PARD6G: variants seen among roughly 807,000 people sequenced by gnomAD.
PARD6G encodes par-6 family cell polarity regulator gamma, also known as partitioning defective 6 homolog gamma.
A neutral mutation model predicts 10.7 loss-of-function variants in PARD6G; 7 were observed. That is an observed-to-expected ratio of 0.66 (90% confidence interval 0.37 to 1.23). The LOEUF (loss-of-function observed/expected upper bound fraction) is 1.23. PARD6G is among the 50% of genes most tolerant of loss of function. PARD6G has a pLI of 0.02. For synonymous variants in PARD6G, 287 were observed against 269.4 expected (o/e 1.07, Z -0.64); for missense variants, 548 against 571.8 (o/e 0.96, Z 0.42).
Position 80,160,349 on chromosome 18 carries a change from G to A in PARD6G, c.553C>T (p.His185Tyr), listed in dbSNP as rs2052690340. 1 of 1,611,486 alleles carries A rather than the reference G, an allele frequency of 6.2e-7. No individual in the cohort carries two copies. The highest frequency in any genetic ancestry group is 8.5e-7 in the Non-Finnish European group (1 of 1,179,714). The change falls in exon 3 of 3, where the codon CAC (histidine) becomes TAC (tyrosine). Residue 185 changes from histidine (H) to tyrosine (Y), a missense_variant. Physicochemically the swap from His to Tyr is moderately conservative, Grantham distance 83. This residue lies in a region of PARD6G where 235 missense variants were observed against 291.9 expected (regional missense o/e 0.81). Coordinates refer to ENST00000353265, the MANE Select transcript of PARD6G (RefSeq NM_032510.4). The stretch of plus-strand genomic sequence containing the variant: ...ATGCCGGGCACCTTCTCCAGCCCGT[G>A]CGGGGTCACGCGCACGCTGGCGCCA... ...RDGASVRVTP[H>Y]GLEKVPGIFI...
rs1237110882 is a variant in PARD6G at position 80,158,703 on chromosome 18, C to G, written c.*1068G>C. On this transcript the variant is annotated 3_prime_UTR_variant, in exon 3 of 3. Transcript: ENST00000353265. ...TCTCTACTAAAAATACAAAAATTAGCTGGGTATGGTGGCATGTGCCTGTCC... is the reference window on the plus strand; with the variant it reads ...TCTCTACTAAAAATACAAAAATTAGGTGGGTATGGTGGCATGTGCCTGTCC... 2.6e-5 allele frequency: 4 copies of G among 152,200 alleles called. No homozygotes were observed. Among genetic ancestry groups the G allele is most frequent in the Admixed American group, 2.6e-4 (4 of 15,286 alleles). 9.4% of individuals were successfully genotyped at this position (152,200 alleles called of 1,614,324 possible). A position where few individuals can be genotyped will look rare whatever the true frequency, so the allele number is the denominator to read the frequency against.
At chr18:80,230,401 G>A (rs975121217) in intron 1 of PARD6G, among the ~76,000 whole-genome samples, 5 of 152,218 alleles carry the variant, frequency 3.3e-5, no homozygotes, top group African/African-American at 7.2e-5. Flanking sequence ...CGTGGGACTC[G>A]GCAGTAGTTT....
In PARD6G at chr18:80,210,318, T is replaced by C. The variant is rs143925006; in HGVS notation, c.73-7386A>G. Among the ~76,000 whole-genome samples, 235 of 152,368 alleles carry C rather than the reference T, an allele frequency of 1.5e-3. 1 individual carries two copies. The highest frequency in any genetic ancestry group is 5.3e-3 in the African/African-American group (221 of 41,592). On this transcript the variant is annotated intron_variant, in intron 1 of 2. Transcript: ENST00000353265. ...CCAACTTTTAGAGAACCGTGGAAAT[T>C]AATCAATGGCTTGCAACAATGCAAG...
chr18:80,175,492 C>T lies in PARD6G; in HGVS notation c.296-14886G>A, dbSNP rs552416534. 1.2e-4 allele frequency among the ~76,000 whole-genome samples: 19 copies of T among 152,224 alleles called. No homozygotes were observed. The highest frequency in any genetic ancestry group is 2.4e-4 in the African/African-American group (10 of 41,454). On this transcript the variant is annotated intron_variant, in intron 2 of 2. Transcript: ENST00000353265. This position sits in a 1 kb window ranked among gnomAD's most constrained non-coding sequence, Gnocchi z 6.7. ...ACACAGTCTGATTAGGTCAGGGCTTCGTCCTTACGATCTTATTTAACCTTC... is the reference window on the plus strand; with the variant it reads ...ACACAGTCTGATTAGGTCAGGGCTTTGTCCTTACGATCTTATTTAACCTTC...
chr18:80,166,440 G>C (rs1169549857), intron 2 of PARD6G, among the ~76,000 whole-genome samples: 1 of 151,316 alleles, frequency 6.6e-6, no homozygotes, highest in Non-Finnish European at 1.5e-5. Context: ...GGTCATGGGG[G>C]CATCAGGACG....
intron 1 of PARD6G, among the ~76,000 whole-genome samples, chr18:80,212,757 C>G (rs1268779506): frequency 1.3e-5 from 2 of 151,998 alleles, no homozygotes; most frequent in Non-Finnish European, 2.9e-5. Context: ...TGGTGGCACA[C>G]GCCTGTAGTC....
rs1401568946 is a variant in PARD6G at position 80,180,408 on chromosome 18, G to C, written c.296-19802C>G. Among the ~76,000 whole-genome samples, 1 of 152,144 alleles carries C rather than the reference G, an allele frequency of 6.6e-6. No homozygotes were observed. Among genetic ancestry groups the C allele is most frequent in the Non-Finnish European group, 1.5e-5 (1 of 68,018 alleles). On this transcript the variant is annotated intron_variant, in intron 2 of 2. Coordinates refer to ENST00000353265, the MANE Select transcript of PARD6G (RefSeq NM_032510.4). This position sits in a 1 kb window ranked among gnomAD's most constrained non-coding sequence, Gnocchi z 5.6. ...GGAATGCAGCACTGTGCTCTTCCTGGGGGCTGTGGCCTCACAGAGGCTCCC... is the reference window on the plus strand; with the variant it reads ...GGAATGCAGCACTGTGCTCTTCCTGCGGGCTGTGGCCTCACAGAGGCTCCC...
At chr18:80,208,051 T>A (rs998896538) in intron 1 of PARD6G, among the ~76,000 whole-genome samples, 1 of 152,042 alleles carries the variant, frequency 6.6e-6, no homozygotes, top group Admixed American at 6.5e-5. Context: ...CATTTAGATT[T>A]CACTGTATCA....
At chr18:80,238,502 AC>A (rs748190831) in intron 1 of PARD6G, among the ~76,000 whole-genome samples, 3 of 151,946 alleles carry the variant, frequency 2.0e-5, no homozygotes, top group East Asian at 1.9e-4. Flanking sequence ...AAAAAAAAAA[AC>A]AACTATTTTT....
chr18:80,174,751 G>A (rs1440715333), intron 2 of PARD6G, among the ~76,000 whole-genome samples: 1 of 152,026 alleles, frequency 6.6e-6, no homozygotes, highest in Non-Finnish European at 1.5e-5. Context: ...TCAGGAGATC[G>A]AGACCATCCT....
At chr18:80,185,403 T>G (rs1450679264) in intron 2 of PARD6G, among the ~76,000 whole-genome samples, 1 of 152,102 alleles carries the variant, frequency 6.6e-6, no homozygotes. Context: ...GCCTTCTGAG[T>G]AGCTGGGACT....
In PARD6G at chr18:80,182,465, G is replaced by C. The variant is rs544107993; in HGVS notation, c.295+20245C>G. 4.6e-5 allele frequency among the ~76,000 whole-genome samples: 7 copies of C among 152,324 alleles called. No individual in the cohort carries two copies. Among genetic ancestry groups the C allele is most frequent in the African/African-American group, 1.7e-4 (7 of 41,580 alleles). On this transcript the variant is annotated intron_variant, in intron 2 of 2. Transcript: ENST00000353265. This position sits in a 1 kb window ranked among gnomAD's most constrained non-coding sequence, Gnocchi z 4.5. ...CTTTTACAGATACAAAAATAAACAT[G>C]TTTGCCTTTGCTTGTTATTGCCAAG...
chr18:80,186,858 T>C (rs1235562392), intron 2 of PARD6G, among the ~76,000 whole-genome samples: 4 of 152,186 alleles, frequency 2.6e-5, no homozygotes, highest in Non-Finnish European at 4.4e-5. Flanking sequence ...CTCACGCCTG[T>C]AATCCCAGCA....
At chr18:80,186,943 A>G (rs1418467338) in intron 2 of PARD6G, among the ~76,000 whole-genome samples, 2 of 152,112 alleles carry the variant, frequency 1.3e-5, no homozygotes, top group African/African-American at 4.8e-5. Flanking sequence ...CTAAAAATAC[A>G]AAGAAATTAG....
At position 80,183,565 on chromosome 18, in the gene PARD6G, T is replaced by C; in HGVS notation, c.295+19145A>G. ...GCGGCCACTCTCTCTCCAAGTACTCTCTGCCCGGGAGCCCACTTCATCCTG... is the reference window on the plus strand; with the variant it reads ...GCGGCCACTCTCTCTCCAAGTACTCCCTGCCCGGGAGCCCACTTCATCCTG... On this transcript the variant is annotated intron_variant, in intron 2 of 2. Transcript: ENST00000353265. The surrounding 1 kb of genome is among the most constrained non-coding windows in gnomAD (Gnocchi z 4.5). The C allele has an allele frequency of 5.8e-6, 1 of 172,840 alleles. No individual in the cohort carries two copies. The highest frequency in any genetic ancestry group is 1.2e-5 in the Non-Finnish European group (1 of 81,262). The allele number at this position is 172,840 out of a possible 1,614,324, so 10.7% of individuals were successfully genotyped here. A position where few individuals can be genotyped will look rare whatever the true frequency, so the allele number is the denominator to read the frequency against.
At chr18:80,202,667 G>A (rs549351967) in intron 2 of PARD6G, 43 bp downstream of exon 2, 28 of 1,548,006 alleles carry the variant, frequency 1.8e-5, no homozygotes, top group Non-Finnish European at 2.5e-5. Context: ...TTTTAAAAAT[G>A]ATTTCTCAAC....
At chr18:80,230,723 T>TGGGAGGGGTAGCAGTGA (rs1330392838) in intron 1 of PARD6G, among the ~76,000 whole-genome samples, 1 of 151,572 alleles carries the variant, frequency 6.6e-6, no homozygotes, top group Non-Finnish European at 1.5e-5. Context: ...ATGTAGGAGG[T>TGGGAGGGGTAGCAGTGA]GGGAGGGGTA....
rs1291733254 is a variant in PARD6G, at chr18:80,159,977, G to T, written c.925C>A (p.Pro309Thr). The T allele has an allele frequency of 4.0e-6, 6 of 1,501,328 alleles. No individual in the cohort carries two copies. Among genetic ancestry groups the T allele is most frequent in the East Asian group, 2.4e-5 (1 of 41,874 alleles). 93.0% of individuals were successfully genotyped at this position (1,501,328 alleles called of 1,614,324 possible). The change falls in exon 3 of 3, where the codon CCT becomes ACT. Residue 309 changes from proline to threonine, a missense_variant. Pro to Thr is a conservative substitution (Grantham distance 38). This residue lies in a region of PARD6G where 313 missense variants were observed against 279.9 expected (regional missense o/e 1.12). Transcript: ENST00000353265. ...CCCGGGGTCTGGGGGGGACGTGCAG[G>T]CTCCAGTGTGCCCTCGATGACGACG... ...NDVVIEGTLE[P>T]ARPPQTPGAP...
chr18:80,199,381 T>C (rs1303685393), intron 2 of PARD6G, among the ~76,000 whole-genome samples: 1 of 152,230 alleles, frequency 6.6e-6, no homozygotes, highest in Non-Finnish European at 1.5e-5. Context: ...AACATTCCAC[T>C]GCATGACTAG....
Sources: allele counts gnomAD v4.1 joint callset (sites outside exome capture counted in the v4.1 genomes callset), GRCh38; gene constraint gnomAD v4.1.1; regional missense constraint gnomAD v4.1.1; non-coding constraint Gnocchi (gnomAD v3.1); transcripts MANE v1.5; gene names NCBI Gene and HGNC (gene_info 2026-07-23, HGNC 2026-07-21).